The following RNF180 variants were observed in gnomAD, a reference collection of about 807,000 sequenced individuals.
The protein encoded by RNF180 is E3 ubiquitin-protein ligase RNF180.
In RNF180, 38 loss-of-function variants were observed where a neutral mutation model predicts 59.2. The ratio of observed to expected loss-of-function variants is 0.64; its 90% CI spans 0.50 to 0.84. The LOEUF (loss-of-function observed/expected upper bound fraction) is 0.84, where lower values mean the gene tolerates loss of function less well. Among genes scored for constraint, RNF180 ranks in the 40% least tolerant of loss-of-function variants. The pLI is 0.00. For synonymous variants in RNF180, 262 were observed against 240.3 expected (o/e 1.09, Z -0.84); for missense variants, 705 against 700.9 (o/e 1.01, Z -0.07).
chr5:64,271,848 TGAA>T (rs753132546), intron 5 of RNF180, among the ~76,000 whole-genome samples: 46 of 152,170 alleles, frequency 3.0e-4, no homozygotes, highest in Admixed American at 5.9e-4. Context: ...GTGACACAAA[TGAA>T]GGAGGATTTC....
At chr5:64,225,659 G>A (rs1334612320) in intron 5 of RNF180, among the ~76,000 whole-genome samples, 7 of 137,454 alleles carry the variant, frequency 5.1e-5, no homozygotes, top group South Asian at 2.4e-4. Flanking sequence ...AGTGAGGAGC[G>A]CCTCTGCCCG....
At chr5:64,224,015 C>G (rs948422033) in intron 5 of RNF180, among the ~76,000 whole-genome samples, 1 of 151,166 alleles carries the variant, frequency 6.6e-6, no homozygotes, top group African/African-American at 2.4e-5. Context: ...CACAAAGGAG[C>G]AAGCATGATT....
chr5:64,368,905 G>A (rs1358399919), intron 7 of RNF180, among the ~76,000 whole-genome samples: 3 of 151,908 alleles, frequency 2.0e-5, no homozygotes, highest in Admixed American at 2.0e-4. Flanking sequence ...AGTGTGGCGA[G>A]TCCTCAGGGA....
intron 5 of RNF180, among the ~76,000 whole-genome samples, chr5:64,252,444 A>C (rs1471404865): frequency 2.6e-5 from 4 of 152,226 alleles, no homozygotes; most frequent in African/African-American, 9.6e-5. Flanking sequence ...TGTTCTCACC[A>C]CAAAAATGAT....
At chr5:64,181,175 T>A (rs922225619) in intron 1 of RNF180, among the ~76,000 whole-genome samples, 1 of 152,192 alleles carries the variant, frequency 6.6e-6, no homozygotes, top group Non-Finnish European at 1.5e-5. Flanking sequence ...GGCAGCTGAT[T>A]AGATGGTGCC....
intron 5 of RNF180, among the ~76,000 whole-genome samples, chr5:64,291,684 C>T (rs373767936): frequency 3.3e-5 from 5 of 152,110 alleles, no homozygotes; most frequent in East Asian, 1.9e-4. Flanking sequence ...GCCTCGGCCT[C>T]GCAAAGTGCT....
chr5:64,363,684 G>T (rs1022123028), intron 7 of RNF180, among the ~76,000 whole-genome samples: 1 of 151,830 alleles, frequency 6.6e-6, no homozygotes, highest in Non-Finnish European at 1.5e-5. Flanking sequence ...GGACAGTATG[G>T]CAATTTTAAT....
chr5:64,227,781 A>G (rs1285253007), intron 5 of RNF180, among the ~76,000 whole-genome samples: 1 of 152,240 alleles, frequency 6.6e-6, no homozygotes, highest in Non-Finnish European at 1.5e-5. Flanking sequence ...TTTGTACACT[A>G]AACTTTTAAG....
chr5:64,370,702 A>G lies in RNF180; in HGVS notation c.*888A>G, dbSNP rs1746631555. ...AAGAAAACCTGACATTTTTAATTAC[A>G]GTAATCATTAATTTTTTTCATTATT... On this transcript the variant is annotated 3_prime_UTR_variant, in exon 8 of 8. Coordinates refer to ENST00000389100, the MANE Select transcript of RNF180 (RefSeq NM_001113561.2). The G allele has an allele frequency of 6.6e-6, 1 of 151,708 alleles. No homozygotes were observed. Among genetic ancestry groups the G allele is most frequent in the Non-Finnish European group, 1.5e-5 (1 of 67,778 alleles). 9.4% of individuals were successfully genotyped at this position (151,708 alleles called of 1,614,324 possible).
At chr5:64,211,888 T>A (rs1288300401) in intron 2 of RNF180, among the ~76,000 whole-genome samples, 177 bp from the exon 3 acceptor site, 1 of 152,210 alleles carries the variant, frequency 6.6e-6, no homozygotes, top group Non-Finnish European at 1.5e-5. Flanking sequence ...AAGAAATTTT[T>A]AAAAAATCTT....
At chr5:64,296,528 C>G (rs943730237) in intron 5 of RNF180, among the ~76,000 whole-genome samples, 1 of 151,958 alleles carries the variant, frequency 6.6e-6, no homozygotes, top group African/African-American at 2.4e-5. Context: ...TTGTGCAATA[C>G]AGCATATATA....
chr5:64,282,662 G>T (rs1188527152), intron 5 of RNF180, among the ~76,000 whole-genome samples: 1 of 152,016 alleles, frequency 6.6e-6, no homozygotes, highest in East Asian at 1.9e-4. Flanking sequence ...TTTTATGTGG[G>T]TGTTTAGCAT....
chr5:64,310,447 A>G lies in RNF180; in HGVS notation c.1228-14739A>G, dbSNP rs138385122. On this transcript the variant is annotated intron_variant, in intron 5 of 7. Coordinates refer to ENST00000389100, the MANE Select transcript of RNF180 (RefSeq NM_001113561.2). ...TGTCTCAATCTTTTAGCCTCTGAGTATCAGTCTCCTCACTGCTAAACCAGT... is the reference window on the plus strand; with the variant it reads ...TGTCTCAATCTTTTAGCCTCTGAGTGTCAGTCTCCTCACTGCTAAACCAGT... Among the ~76,000 whole-genome samples the G allele has an allele frequency of 5.3e-4, 80 of 151,492 alleles. 1 individual carries two copies. Among genetic ancestry groups the G allele is most frequent in the African/African-American group, 1.4e-3 (57 of 41,386 alleles).
At chr5:64,256,514 G>A (rs1743974979) in intron 5 of RNF180, among the ~76,000 whole-genome samples, 1 of 151,980 alleles carries the variant, frequency 6.6e-6, no homozygotes, top group Non-Finnish European at 1.5e-5. Flanking sequence ...ATGGTTGTAG[G>A]TGTGTAGTAT....
intron 1 of RNF180, among the ~76,000 whole-genome samples, chr5:64,181,180 G>T (rs1750558767): frequency 6.6e-6 from 1 of 152,102 alleles, no homozygotes; most frequent in South Asian, 2.1e-4. Flanking sequence ...CTGATTAGAT[G>T]GTGCCACCCA....
intron 7 of RNF180, among the ~76,000 whole-genome samples, chr5:64,330,711 T>C (rs1744867020): frequency 3.3e-5 from 5 of 152,268 alleles, no homozygotes; most frequent in Admixed American, 2.6e-4. Flanking sequence ...CAAAGTCATA[T>C]TTATGGCAGC....
intron 5 of RNF180, among the ~76,000 whole-genome samples, chr5:64,229,230 C>T (rs1008808808): frequency 6.6e-6 from 1 of 152,030 alleles, no homozygotes; most frequent in African/African-American, 2.4e-5. Flanking sequence ...TGGCCTAAAA[C>T]TTTCTACTAA....
At chr5:64,248,993 C>CTT (rs1189987434) in intron 5 of RNF180, among the ~76,000 whole-genome samples, 1 of 152,150 alleles carries the variant, frequency 6.6e-6, no homozygotes, top group Non-Finnish European at 1.5e-5. Context: ...TCTCAGCAGA[C>CTT]TAACACAGGA....
intron 5 of RNF180, among the ~76,000 whole-genome samples, chr5:64,271,170 T>C (rs2112352422): frequency 6.6e-6 from 1 of 152,050 alleles, no homozygotes; most frequent in African/African-American, 2.4e-5. Context: ...AATAAAAAAC[T>C]ACAACTAAGT....
Sources: gnomAD v4.1 joint callset for allele counts (sites outside exome capture counted in the v4.1 genomes callset) on GRCh38, gnomAD v4.1.1 for gene constraint, MANE v1.5 for transcripts, NCBI Gene and HGNC (gene_info 2026-07-23, HGNC 2026-07-21) for gene names.